Variants in MGRN1 observed in about 807,000 individuals in gnomAD.
MGRN1 encodes E3 ubiquitin-protein ligase MGRN1.
Under a neutral mutation model 69.2 loss-of-function variants are expected in MGRN1, and 29 were observed. The observed-to-expected ratio is 0.42, with a 90% confidence interval of 0.31 to 0.57. The LOEUF (loss-of-function observed/expected upper bound fraction) is 0.57, where lower values mean the gene tolerates loss of function less well. Ranked by LOEUF, MGRN1 falls within the 20% of genes least tolerant of loss-of-function variation. MGRN1 has a pLI of 0.15. For synonymous variants in MGRN1, 470 were observed against 344.2 expected (o/e 1.37, Z -4.04); for missense variants, 998 against 796.2 (o/e 1.25, Z -3.05).
In MGRN1 at chr16:4,657,269, TAC is replaced by T; in HGVS notation, c.469_470del (p.Gln157ValfsTer22). ...AGATACAGCCCCAAGAGCCCCTCGCTACAGTCCGAGACCGTCCACTACAAGAG... is the reference window on the plus strand; with the variant it reads ...AGATACAGCCCCAAGAGCCCCTCGCTAGTCCGAGACCGTCCACTACAAGAG... On this transcript the variant is annotated frameshift_variant, in exon 5 of 17. Transcript: ENST00000262370. LOFTEE classifies it high-confidence loss of function. 1 of 1,614,012 alleles carries T rather than the reference TAC, an allele frequency of 6.2e-7. No homozygotes were observed. Among genetic ancestry groups the T allele is most frequent in the Non-Finnish European group, 8.5e-7 (1 of 1,179,904 alleles).
chr16:4,628,596 A>G (rs1016375319), intron 1 of MGRN1, among the ~76,000 whole-genome samples: 44 of 151,656 alleles, frequency 2.9e-4, no homozygotes, highest in Non-Finnish European at 1.9e-4. Flanking sequence ...CCAGGTTGCA[A>G]TGCAGTGGCA....
intron 8 of MGRN1, among the ~76,000 whole-genome samples, chr16:4,669,969 A>C (rs927772101): frequency 1.5e-5 from 2 of 132,758 alleles, no homozygotes; most frequent in Non-Finnish European, 3.5e-5. Flanking sequence ...CTCCGTGTGT[A>C]CTGTTGGGGC....
chr16:4,646,157 A>G (rs992747834), intron 1 of MGRN1, among the ~76,000 whole-genome samples: 1 of 152,002 alleles, frequency 6.6e-6, no homozygotes, highest in African/African-American at 2.4e-5. Context: ...AGGCTGTGTC[A>G]CGGTGGCTCA....
intron 13 of MGRN1, 129 bp from the exon 14 acceptor site, chr16:4,682,694 A>T: frequency 9.0e-7 from 1 of 1,116,868 alleles, no homozygotes; most frequent in Non-Finnish European, 1.2e-6. Flanking sequence ...GCCCTTCTCC[A>T]GGGAGTGTCC....
intron 10 of MGRN1, among the ~76,000 whole-genome samples, chr16:4,674,488 C>T (rs1007919634): frequency 1.3e-5 from 2 of 151,448 alleles, no homozygotes; most frequent in Non-Finnish European, 2.9e-5. Context: ...GGGGTTTCAC[C>T]ATGTTGGTCA....
At position 4,688,803 on chromosome 16, in the gene MGRN1, C is replaced by T. The variant is rs960038020; in HGVS notation, c.1626C>T (p.Pro542=). ...CTCTGCTCCCACCTGCAGGACGGCC[C>T]ACCTCCATGGAGACGGCCCACGGCC... is the stretch of plus-strand genomic sequence containing the variant. ...PPADIYLPGR[P]TSMETAHGLA... The change falls in exon 17 of 17, where the codon CCC becomes CCT. Residue 542 remains proline (P), a synonymous_variant. Coordinates refer to ENST00000262370, the MANE Select transcript of MGRN1 (RefSeq NM_015246.4). 2.4e-5 allele frequency: 37 copies of T among 1,548,300 alleles called. No individual in the cohort carries two copies. The highest frequency in any genetic ancestry group is 4.1e-5 in the African/African-American group (3 of 73,008).
chr16:4,652,496 G>T (rs2078431404), intron 3 of MGRN1, among the ~76,000 whole-genome samples, 182 bp from the exon 4 acceptor site: 1 of 152,176 alleles, frequency 6.6e-6, no homozygotes, highest in African/African-American at 2.4e-5. Flanking sequence ...CAGGAAGAAG[G>T]AGAGGCAAGC....
chr16:4,660,775 A>G (rs1011216760), intron 5 of MGRN1, among the ~76,000 whole-genome samples: 1 of 126,530 alleles, frequency 7.9e-6, no homozygotes, highest in African/African-American at 2.5e-5. Context: ...TCCTGTGTGG[A>G]CTCAGTGGAG....
intron 1 of MGRN1, among the ~76,000 whole-genome samples, chr16:4,646,754 G>A (rs529248679): frequency 2.6e-5 from 4 of 152,324 alleles, no homozygotes; most frequent in Admixed American, 2.0e-4. Context: ...GGGGGCCCTC[G>A]TGGAGGCTGG....
chr16:4,635,496 G>A (rs1898235070), intron 1 of MGRN1, among the ~76,000 whole-genome samples: 1 of 151,624 alleles, frequency 6.6e-6, no homozygotes, highest in Non-Finnish European at 1.5e-5. Flanking sequence ...TCGAGACAGA[G>A]TCTTGCTCTG....
chr16:4,686,466 C>T (rs1189633718), intron 16 of MGRN1: 2 of 1,400,006 alleles, frequency 1.4e-6, no homozygotes, highest in East Asian at 2.7e-5. Flanking sequence ...TCTCCAGTGG[C>T]TGCTGCACCT....
chr16:4,652,775 A>G lies in MGRN1; in HGVS notation c.394A>G (p.Ile132Val), dbSNP rs1334407954. The G allele has an allele frequency of 1.9e-6, 3 of 1,611,758 alleles. No individual in the cohort carries two copies. The highest frequency in any genetic ancestry group is 2.5e-6 in the Non-Finnish European group (3 of 1,179,078). The change falls in exon 4 of 17, where the codon ATC (isoleucine) becomes GTC (valine). Residue 132 changes from isoleucine (I) to valine (V), a missense_variant. Ile to Val is a conservative substitution (Grantham distance 29). Transcript: ENST00000262370. ...FTFDADARVA[I>V]TIYCQASEEF... ...CTTCGACGCCGATGCCCGCGTGGCC[A>G]TCACCATCTACTGCCAGGCATCGGA...
intron 10 of MGRN1, chr16:4,677,090 T>A (rs1443605446): frequency 1.1e-5 from 2 of 175,554 alleles, no homozygotes; most frequent in Middle Eastern, 2.2e-3. Context: ...TTGGGGGTCA[T>A]GGCCACCAGC....
At chr16:4,625,150 C>A in intron 1 of MGRN1, 102 bp downstream of exon 1, 5 of 1,112,234 alleles carry the variant, frequency 4.5e-6, no homozygotes, top group South Asian at 1.9e-5. Context: ...TGCTCGGCCC[C>A]CTCCGGGCCT....
Position 4,680,106 on chromosome 16 carries a change from C to T in MGRN1, c.1131+9C>T, listed in dbSNP as rs373558482. 6.2e-7 allele frequency: 1 copy of T among 1,613,382 alleles called. No homozygotes were observed. The highest frequency in any genetic ancestry group is 1.1e-5 in the South Asian group (1 of 91,004). On this transcript the variant is annotated intron_variant, in intron 12 of 16. Transcript: ENST00000262370. ...AACCTAAAAGGGAAACAGTAAGTGT[C>T]TGGTCCTCCGGCTACGTTTTTTTGC...
rs910015597 is a variant in MGRN1 at position 4,680,990 on chromosome 16, G to T, written c.1132-560G>T. ...CTGACTTCCGTTCCCCAGAACCTGG[G>T]CATTTTCCTTCTTCCTCAGCCTTGT... On this transcript the variant is annotated intron_variant, in intron 12 of 16. Coordinates refer to ENST00000262370, the MANE Select transcript of MGRN1 (RefSeq NM_015246.4). Among the ~76,000 whole-genome samples, 10 of 152,242 alleles carry T rather than the reference G, an allele frequency of 6.6e-5. 1 individual carries two copies. Among genetic ancestry groups the T allele is most frequent in the African/African-American group, 2.4e-4 (10 of 41,470 alleles).
At chr16:4,680,193 T>G (rs1274425727) in intron 12 of MGRN1, 96 bp downstream of exon 12, 1 of 1,240,264 alleles carries the variant, frequency 8.1e-7, no homozygotes, top group Non-Finnish European at 1.2e-6. Context: ...CAGGCTAGTG[T>G]CTGATTCATA....
chr16:4,655,022 G>C (rs559621928), intron 4 of MGRN1, among the ~76,000 whole-genome samples: 4 of 152,306 alleles, frequency 2.6e-5, no homozygotes, highest in African/African-American at 9.6e-5. Flanking sequence ...CGAATTCTTG[G>C]GCGTAGGAGC....
intron 11 of MGRN1, 86 bp downstream of exon 11, chr16:4,677,658 C>T (rs1284997780): frequency 9.3e-6 from 12 of 1,285,884 alleles, no homozygotes; most frequent in East Asian, 7.2e-5. Flanking sequence ...GTCCAGCCAG[C>T]AGCCCCGTGT....
Sources: gnomAD v4.1 joint callset for allele counts (sites outside exome capture counted in the v4.1 genomes callset) on GRCh38, gnomAD v4.1.1 for gene constraint, MANE v1.5 for transcripts, NCBI Gene and HGNC (gene_info 2026-07-23, HGNC 2026-07-21) for gene names.